Variants in IGSF10 observed in about 807,000 individuals in gnomAD.
The protein encoded by IGSF10 is calvaria mechanical force protein 608.
IGSF10 carries 126 observed loss-of-function variants against 128.2 expected under a neutral mutation model. The ratio of observed to expected loss-of-function variants is 0.98; its 90% CI spans 0.85 to 1.14. The LOEUF (loss-of-function observed/expected upper bound fraction) is 1.14, where lower values mean the gene tolerates loss of function less well. IGSF10 is among the 50% of genes most tolerant of loss of function. IGSF10 has a pLI of 0.00. For synonymous variants in IGSF10, 1,185 were observed against 1,146.2 expected (o/e 1.03, Z -0.68); for missense variants, 3,295 against 3,149.8 (o/e 1.05, Z -1.10).
chr3:151,499,145 C>T, the IGSF10 span, among the ~76,000 whole-genome samples: 121 of 152,148 alleles, frequency 8.0e-4, no homozygotes, highest in East Asian at 0.016. Flanking sequence ...ATTCCTTTGG[C>T]TATGTATTTC....
chr3:151,456,616 A>G (rs1448178813), intron 4 of IGSF10, among the ~76,000 whole-genome samples: 1 of 152,196 alleles, frequency 6.6e-6, no homozygotes, highest in African/African-American at 2.4e-5. Context: ...AAATTGAACA[A>G]TGTAGAACAT....
At chr3:151,542,660 T>C in the IGSF10 span, among the ~76,000 whole-genome samples, 1 of 147,352 alleles carries the variant, frequency 6.8e-6, no homozygotes, top group African/African-American at 2.4e-5. Context: ...GAAATGTTTA[T>C]AGTAAGAAAT....
Position 151,437,572 on chromosome 3 carries a change from A to ACTT in IGSF10, c.6986_6988dup (p.Glu2329dup), listed in dbSNP as rs775515642. ...TGTCGGTCTTCTCAGCATTTCCAGT[A>ACTT]CTTCTAACTGTACTACCAACACGCT... On this transcript the variant is annotated inframe_insertion, in exon 8 of 8. Transcript: ENST00000282466. 2.5e-6 allele frequency: 4 copies of ACTT among 1,614,148 alleles called. No homozygotes were observed. The South Asian group carries it at 3.3e-5, about 13-fold the overall frequency.
chr3:151,544,575 T>C, the IGSF10 span, among the ~76,000 whole-genome samples: 1 of 152,206 alleles, frequency 6.6e-6, no homozygotes, highest in Non-Finnish European at 1.5e-5. Flanking sequence ...TTTCATTCCC[T>C]ACCCACCTAC....
At chr3:151,506,393 CA>C in the IGSF10 span, among the ~76,000 whole-genome samples, 1 of 152,202 alleles carries the variant, frequency 6.6e-6, no homozygotes, top group African/African-American at 2.4e-5. Context: ...TTAAAAGGAA[CA>C]CCCTGTTAAA....
rs1012965668 is a variant in IGSF10 at position 151,445,454 on chromosome 3, T to C, written c.4527A>G (p.Ser1509=). The stretch of plus-strand genomic sequence containing the variant: ...ATTGCTGTGGTTTAGCATTGTGCCT[T>C]GAGGATTCGTGCAGCTTGACCACTG... The part of the protein sequence containing the change: ...TNTVVKLHES[S]RHNAKPQQLV... The change falls in exon 6 of 8, where the codon TCA becomes TCG. Residue 1509 remains serine (S), a synonymous_variant. Coordinates refer to ENST00000282466, the MANE Select transcript of IGSF10 (RefSeq NM_178822.5). 4 of 1,614,064 alleles carry C rather than the reference T, an allele frequency of 2.5e-6. No homozygotes were observed. Among genetic ancestry groups the C allele is most frequent in the Admixed American group, 3.3e-5 (2 of 60,002 alleles).
Position 151,445,207 on chromosome 3 carries a change from C to CT in IGSF10, c.4773dup (p.Val1592SerfsTer29). On this transcript the variant is annotated frameshift_variant, in exon 6 of 8. Transcript: ENST00000282466. LOFTEE classifies it high-confidence loss of function. The stretch of plus-strand genomic sequence containing the variant: ...AGGCCTGTAGTAGCCAACATGCTTA[C>CT]TTCTGGCTTTTTGCCTTTTTCAGCA... The CT allele has an allele frequency of 6.2e-7, 1 of 1,614,256 alleles. No individual in the cohort carries two copies.
chr3:151,528,251 A>C, the IGSF10 span, among the ~76,000 whole-genome samples: 1 of 152,152 alleles, frequency 6.6e-6, no homozygotes, highest in Non-Finnish European at 1.5e-5. Flanking sequence ...TCTGTTATTC[A>C]TTCTTTTTGT....
the IGSF10 span, among the ~76,000 whole-genome samples, chr3:151,500,102 C>A: frequency 3.9e-5 from 6 of 152,162 alleles, no homozygotes; most frequent in African/African-American, 1.4e-4. Context: ...TTTTATTTAT[C>A]CATTGTAGCC....
the IGSF10 span, among the ~76,000 whole-genome samples, chr3:151,553,973 C>CAA: frequency 0.48 from 70,538 of 146,896 alleles, 16,839 homozygotes; most frequent in South Asian, 0.57. Flanking sequence ...ATAACAACAA[C>CAA]AAAAAAAAAA....
At chr3:151,441,341 C>CA (rs1285136417) in intron 7 of IGSF10, among the ~76,000 whole-genome samples, 20 of 152,350 alleles carry the variant, frequency 1.3e-4, no homozygotes, top group African/African-American at 4.8e-4. Context: ...GAGGCATCTT[C>CA]AGCCTCTCCA....
the IGSF10 span, among the ~76,000 whole-genome samples, chr3:151,615,449 G>A: frequency 2.0e-5 from 3 of 152,038 alleles, no homozygotes; most frequent in East Asian, 3.8e-4. Flanking sequence ...ATTGTTCCAT[G>A]TATGCTGTGT....
At chr3:151,459,390 A>C (rs1721948619) in intron 2 of IGSF10, among the ~76,000 whole-genome samples, 1 of 152,192 alleles carries the variant, frequency 6.6e-6, no homozygotes, top group South Asian at 2.1e-4. Flanking sequence ...GGTTGTAATA[A>C]TCCACTGGAA....
the IGSF10 span, among the ~76,000 whole-genome samples, chr3:151,471,928 G>A: frequency 1.3e-5 from 2 of 152,258 alleles, no homozygotes; most frequent in Admixed American, 6.5e-5. Context: ...ATCTCATTTG[G>A]AAAAACAAAA....
At chr3:151,532,380 A>G in the IGSF10 span, among the ~76,000 whole-genome samples, 6 of 152,284 alleles carry the variant, frequency 3.9e-5, no homozygotes, top group Middle Eastern at 3.4e-3. Flanking sequence ...ACAAAAAAAG[A>G]AAATTTCAGG....
At chr3:151,524,064 T>C in the IGSF10 span, among the ~76,000 whole-genome samples, 1 of 152,156 alleles carries the variant, frequency 6.6e-6, no homozygotes, top group Non-Finnish European at 1.5e-5. Context: ...TCAACATCAC[T>C]GATTATTAGA....
the IGSF10 span, among the ~76,000 whole-genome samples, chr3:151,544,067 G>A: frequency 6.6e-6 from 1 of 151,954 alleles, no homozygotes; most frequent in Non-Finnish European, 1.5e-5. Context: ...ATGCCACCAC[G>A]CCTGGCTAAT....
At chr3:151,574,038 A>G in the IGSF10 span, among the ~76,000 whole-genome samples, 3 of 152,284 alleles carry the variant, frequency 2.0e-5, no homozygotes, top group Admixed American at 6.5e-5. Context: ...AATGTTGAAT[A>G]TTGGCTCCCA....
At position 151,438,545 on chromosome 3, in the gene IGSF10, C is replaced by A; in HGVS notation, c.6016G>T (p.Val2006Leu). Reference protein sequence around the residue: ...YPNGSLFIGSVTEKDSGVYLC... With the variant: ...YPNGSLFIGSLTEKDSGVYLC... ...TAGACACCACTGTCTTTTTCTGTTA[C>A]TGATCCAATAAACAGGGATCCATTA... Residue 2006 changes from valine to leucine, a missense_variant, in exon 8 of 8, where the codon GTA (valine) becomes TTA (leucine). By Grantham distance (32) the Val-to-Leu change is conservative. Coordinates refer to ENST00000282466, the MANE Select transcript of IGSF10 (RefSeq NM_178822.5). 6.2e-7 allele frequency: 1 copy of A among 1,613,900 alleles called. No individual in the cohort carries two copies. The highest frequency in any genetic ancestry group is 8.5e-7 in the Non-Finnish European group (1 of 1,180,014).
Sources: allele counts gnomAD v4.1 joint callset (sites outside exome capture counted in the v4.1 genomes callset), GRCh38; gene constraint gnomAD v4.1.1; transcripts MANE v1.5; gene names NCBI Gene and HGNC (gene_info 2026-07-23, HGNC 2026-07-21).